PDIA5: variants seen among roughly 807,000 people sequenced by gnomAD.
PDIA5 encodes the protein protein disulfide isomerase family A member 5, also known as protein disulfide-isomerase A5.
A neutral mutation model predicts 77.6 loss-of-function variants in PDIA5; 58 were observed. The ratio of observed to expected loss-of-function variants is 0.75; its 90% CI spans 0.61 to 0.93. The LOEUF (loss-of-function observed/expected upper bound fraction) is 0.93, where lower values mean the gene tolerates loss of function less well. Among genes scored for constraint, PDIA5 ranks in the 40% least tolerant of loss-of-function variants. The pLI, the probability that PDIA5 is intolerant of heterozygous loss-of-function variation, is 0.00. For synonymous variants in PDIA5, 250 were observed against 252.1 expected (o/e 0.99, Z 0.08); for missense variants, 630 against 647.7 (o/e 0.97, Z 0.30).
chr3:123,131,419 C>CA (rs960392739), intron 11 of PDIA5, among the ~76,000 whole-genome samples: 11 of 144,572 alleles, frequency 7.6e-5, no homozygotes, highest in African/African-American at 1.8e-4. Flanking sequence ...GGCTCCATCT[C>CA]AAAAAAAAAG....
chr3:123,126,865 G>A (rs554429421), intron 10 of PDIA5, among the ~76,000 whole-genome samples: 1 of 152,212 alleles, frequency 6.6e-6, no homozygotes, highest in Admixed American at 6.5e-5. Flanking sequence ...GGTGAGGCAG[G>A]GCAGGGAGTC....
chr3:123,118,702 T>C (rs73195691), intron 8 of PDIA5, among the ~76,000 whole-genome samples: 5,111 of 152,210 alleles, frequency 0.034, 161 homozygotes, highest in Non-Finnish European at 0.05. Context: ...GGCACAGGAG[T>C]TGTGTTCATG....
Position 123,102,444 on chromosome 3 carries a change from G to A in PDIA5, c.291G>A (p.Met97Ile). ...AGAGTAGAAAATTGTGCAAGAAGAT[G>A]AAAGTTGACCTGAGCCCGAAGGACA... Reference protein sequence around the residue: ...DAESRKLCKKMKVDLSPKDKK... With the variant: ...DAESRKLCKKIKVDLSPKDKK... Residue 97 changes from methionine to isoleucine, a missense_variant, in exon 4 of 17, where the codon ATG (methionine) becomes ATA (isoleucine). Transcript: ENST00000316218. 1 of 1,614,092 alleles carries A rather than the reference G, an allele frequency of 6.2e-7. No homozygotes were observed. The highest frequency in any genetic ancestry group is 2.2e-5 in the East Asian group (1 of 44,894).
chr3:123,139,171 G>T (rs1192187294), intron 11 of PDIA5, among the ~76,000 whole-genome samples: 1 of 152,152 alleles, frequency 6.6e-6, no homozygotes, highest in Admixed American at 6.5e-5. Flanking sequence ...AAACTTAATG[G>T]CCTCTCAAAT....
chr3:123,158,354 G>C (rs554111318), intron 15 of PDIA5, among the ~76,000 whole-genome samples: 2 of 152,106 alleles, frequency 1.3e-5, no homozygotes, highest in African/African-American at 4.8e-5. Flanking sequence ...AGTGAGAATC[G>C]CAAACAGGCA....
chr3:123,088,008 T>C (rs1030029353), intron 1 of PDIA5, among the ~76,000 whole-genome samples: 1 of 152,180 alleles, frequency 6.6e-6, no homozygotes, highest in Admixed American at 6.5e-5. Context: ...GGCTGGGAGC[T>C]TGGAGGAATG....
intron 5 of PDIA5, 91 bp from the exon 6 acceptor site, chr3:123,106,658 C>T: frequency 3.4e-6 from 3 of 886,790 alleles, no homozygotes; most frequent in South Asian, 2.8e-5. Context: ...GCCCAGGTCT[C>T]CAGGCAGGGA....
At chr3:123,107,100 A>C (rs2107937964) in intron 6 of PDIA5, among the ~76,000 whole-genome samples, 1 of 152,182 alleles carries the variant, frequency 6.6e-6, no homozygotes, top group East Asian at 1.9e-4. Flanking sequence ...ACACGTTTAG[A>C]TTTTCCATAC....
chr3:123,116,221 C>T lies in PDIA5; in HGVS notation c.542-10C>T. On this transcript the variant is annotated splice_polypyrimidine_tract_variant and intron_variant, in intron 7 of 16. Coordinates refer to ENST00000316218, the MANE Select transcript of PDIA5 (RefSeq NM_006810.4). ...TAACCGGATGTGGTCTCTCTCCTGC[C>T]TGTGACCAGGGTGCAGCATGTGCAA... 4 of 1,613,534 alleles carry T rather than the reference C, an allele frequency of 2.5e-6. No homozygotes were observed. Among genetic ancestry groups the T allele is most frequent in the Non-Finnish European group, 3.4e-6 (4 of 1,179,524 alleles).
chr3:123,150,033 A>G (rs2107986133), intron 13 of PDIA5, among the ~76,000 whole-genome samples: 1 of 152,310 alleles, frequency 6.6e-6, no homozygotes, highest in Admixed American at 6.5e-5. Context: ...TGGGCTCCTC[A>G]GAGGGAATCA....
chr3:123,144,115 T>TGGAG (rs1935704137), intron 11 of PDIA5, among the ~76,000 whole-genome samples: 1 of 152,084 alleles, frequency 6.6e-6, no homozygotes, highest in African/African-American at 2.4e-5. Flanking sequence ...GAAATGGCCT[T>TGGAG]GGAGGAGGAG....
intron 14 of PDIA5, among the ~76,000 whole-genome samples, chr3:123,151,048 G>A (rs1935881953): frequency 6.6e-6 from 1 of 152,224 alleles, no homozygotes; most frequent in Non-Finnish European, 1.5e-5. Flanking sequence ...AGTCTACAGA[G>A]AAGCCAGGCA....
chr3:123,101,566 CT>C lies in PDIA5; in HGVS notation c.258-843del, dbSNP rs1345677361. Among the ~76,000 whole-genome samples the C allele has an allele frequency of 1.2e-4, 19 of 152,164 alleles. 1 individual carries two copies. Among genetic ancestry groups the C allele is most frequent in the Non-Finnish European group, 1.5e-5 (1 of 68,034 alleles). On this transcript the variant is annotated intron_variant, in intron 3 of 16. Transcript: ENST00000316218. ...GTCAATACCTGGCCAGATTTCATAA[CT>C]TCTTCAACATGGTAGCATGTTTTCC...
At chr3:123,070,383 A>G (rs1933691381) in intron 1 of PDIA5, among the ~76,000 whole-genome samples, 1 of 152,220 alleles carries the variant, frequency 6.6e-6, no homozygotes, top group East Asian at 1.9e-4. Flanking sequence ...TTCTTTGCTT[A>G]TGCTTTTCTG....
chr3:123,119,256 A>AT (rs931229725), intron 8 of PDIA5, among the ~76,000 whole-genome samples: 5 of 152,128 alleles, frequency 3.3e-5, no homozygotes, highest in Non-Finnish European at 7.4e-5. Context: ...TCTAAAAAAA[A>AT]GAAAAAATGA....
chr3:123,146,457 TC>T (rs1221391337), intron 13 of PDIA5, among the ~76,000 whole-genome samples, 198 bp downstream of exon 13: 2 of 152,230 alleles, frequency 1.3e-5, no homozygotes, highest in Admixed American at 6.5e-5. Flanking sequence ...CTGCTGGCAG[TC>T]CTTCTGGACG....
intron 3 of PDIA5, among the ~76,000 whole-genome samples, chr3:123,097,412 T>TA (rs1007688752): frequency 2.6e-5 from 4 of 152,122 alleles, no homozygotes; most frequent in African/African-American, 9.7e-5. Flanking sequence ...CCGCCACTCT[T>TA]ACTAACTGTA....
intron 6 of PDIA5, among the ~76,000 whole-genome samples, chr3:123,109,713 A>G (rs1045772358): frequency 6.6e-6 from 1 of 152,130 alleles, no homozygotes; most frequent in African/African-American, 2.4e-5. Context: ...ATCACCTCAT[A>G]CCTTTACATT....
At chr3:123,150,158 C>G in intron 13 of PDIA5, 76 bp from the exon 14 acceptor site, 1 of 1,031,130 alleles carries the variant, frequency 9.7e-7, no homozygotes, top group Non-Finnish European at 1.5e-6. Flanking sequence ...GTGGTTGGGA[C>G]ATTGAGGGTG....
Sources: allele counts gnomAD v4.1 joint callset (sites outside exome capture counted in the v4.1 genomes callset), GRCh38; gene constraint gnomAD v4.1.1; transcripts MANE v1.5; gene names NCBI Gene and HGNC (gene_info 2026-07-23, HGNC 2026-07-21).